Variants in TCF7L1 observed in about 807,000 individuals in gnomAD.
TCF7L1 encodes the protein transcription factor 7-like 1.
A neutral mutation model predicts 63.7 loss-of-function variants in TCF7L1; 18 were observed. The ratio of observed to expected loss-of-function variants is 0.28; its 90% CI spans 0.20 to 0.42. TCF7L1 has a LOEUF of 0.42. Ranked by LOEUF, TCF7L1 falls within the 10% of genes least tolerant of loss-of-function variation. TCF7L1 has a pLI of 1.00. For synonymous variants in TCF7L1, 355 were observed against 340.9 expected (o/e 1.04, Z -0.46); for missense variants, 654 against 779.3 (o/e 0.84, Z 1.91).
intron 3 of TCF7L1, among the ~76,000 whole-genome samples, chr2:85,248,808 C>T (rs1476091715): frequency 6.6e-6 from 1 of 152,194 alleles, no homozygotes; most frequent in Non-Finnish European, 1.5e-5. Context: ...CCAGAATAAA[C>T]CCACCCAGGT....
At position 85,306,789 on chromosome 2, in the gene TCF7L1, C is replaced by T. The variant is rs965153064; in HGVS notation, c.1257+230C>T. 2.0e-5 allele frequency among the ~76,000 whole-genome samples: 3 copies of T among 152,148 alleles called. No individual in the cohort carries two copies. Among genetic ancestry groups the T allele is most frequent in the African/African-American group, 4.8e-5 (2 of 41,432 alleles). ...ACACCATTCTCCTGTCTCAGCCTCCCGAGTAGCTGGGACTACAGGCACCTG... is the reference window on the plus strand; with the variant it reads ...ACACCATTCTCCTGTCTCAGCCTCCTGAGTAGCTGGGACTACAGGCACCTG... On this transcript the variant is annotated intron_variant, in intron 10 of 11. Transcript: ENST00000282111. This position sits in a 1 kb window ranked among gnomAD's most constrained non-coding sequence, Gnocchi z 4.3.
At chr2:85,281,116 T>A (rs1270321644) in intron 3 of TCF7L1, among the ~76,000 whole-genome samples, 1 of 147,810 alleles carries the variant, frequency 6.8e-6, no homozygotes, top group East Asian at 2.1e-4. Context: ...CTCCGCCTCC[T>A]GGGTTCAAGT....
In TCF7L1 at chr2:85,133,821, G is replaced by T. The variant is rs1194980419; in HGVS notation, c.137G>T (p.Gly46Val). ...DELIPFQDEG[G>V]EEQEPSSDSA... ...CTGATCCCCTTCCAGGACGAGGGGG[G>T]CGAGGAGCAGGAGCCGAGCAGCGAT... Residue 46 changes from glycine to valine, a missense_variant, in exon 1 of 12, where the codon GGC (glycine) becomes GTC (valine). Gly to Val is a moderately radical substitution (Grantham distance 109). Around this residue, in one of 3 missense-constraint regions of TCF7L1, gnomAD observed 404 missense variants for 454.8 expected, o/e 0.89. Transcript: ENST00000282111. The surrounding 1 kb of genome is among the most constrained non-coding windows in gnomAD (Gnocchi z 4.4). The T allele has an allele frequency of 6.8e-6, 10 of 1,477,804 alleles. No individual in the cohort carries two copies. In the Admixed American group the frequency reaches 2.4e-4, roughly 35 times the overall value. 91.5% of individuals were successfully genotyped at this position (1,477,804 alleles called of 1,614,324 possible). A position where few individuals can be genotyped will look rare whatever the true frequency, so the allele number is the denominator to read the frequency against.
intron 3 of TCF7L1, among the ~76,000 whole-genome samples, chr2:85,226,881 ACCTTCAAGGCAT>A (rs887090265): frequency 1.4e-5 from 2 of 147,872 alleles, no homozygotes; most frequent in Admixed American, 1.4e-4. Flanking sequence ...GTGCTTGCAA[ACCTTCAAGGCAT>A]CCTCATTGAT....
At chr2:85,159,917 TC>T (rs1026493253) in intron 3 of TCF7L1, among the ~76,000 whole-genome samples, 1 of 152,108 alleles carries the variant, frequency 6.6e-6, no homozygotes, top group African/African-American at 2.4e-5. Context: ...CCCCCTCCTG[TC>T]CCCAGGCTCC....
At chr2:85,266,433 G>A (rs906634675) in intron 3 of TCF7L1, among the ~76,000 whole-genome samples, 1 of 152,254 alleles carries the variant, frequency 6.6e-6, no homozygotes, top group Admixed American at 6.5e-5. Context: ...ACTCATTACT[G>A]AGTTCATAAC....
Position 85,184,761 on chromosome 2 carries a change from G to A in TCF7L1, c.441+50311G>A, listed in dbSNP as rs114367793. 6.3e-3 allele frequency among the ~76,000 whole-genome samples: 953 copies of A among 152,284 alleles called. 11 individuals carry two copies. Among genetic ancestry groups the A allele is most frequent in the African/African-American group, 0.022 (914 of 41,546 alleles). On this transcript the variant is annotated intron_variant, in intron 3 of 11. Transcript: ENST00000282111. ...GCCCTGCTGATGTTCCCTGCCCTTG[G>A]TATAGGGGCGGGACAAGGCTAGGGA...
chr2:85,239,283 C>A (rs1680267840), intron 3 of TCF7L1, among the ~76,000 whole-genome samples: 3 of 152,124 alleles, frequency 2.0e-5, no homozygotes, highest in Admixed American at 2.0e-4. Context: ...CCCTGTGGTC[C>A]TTTGCCCTGC....
rs570370421 is a variant in TCF7L1, at chr2:85,229,117, C to T, written c.442-54378C>T. On this transcript the variant is annotated intron_variant, in intron 3 of 11. Transcript: ENST00000282111. ...ATCCCAGCACTTTGGGAGGCTGAGGCGTGCGGATCACAAGGTCAAGAGATT... is the reference window on the plus strand; with the variant it reads ...ATCCCAGCACTTTGGGAGGCTGAGGTGTGCGGATCACAAGGTCAAGAGATT... Among the ~76,000 whole-genome samples the T allele has an allele frequency of 2.0e-3, 301 of 151,802 alleles. 3 individuals carry two copies. Among genetic ancestry groups the T allele is most frequent in the African/African-American group, 6.5e-3 (270 of 41,354 alleles).
chr2:85,139,011 C>A (rs1484282168), intron 3 of TCF7L1, among the ~76,000 whole-genome samples: 1 of 145,520 alleles, frequency 6.9e-6, no homozygotes, highest in African/African-American at 2.5e-5. Context: ...TTTTTTTTTT[C>A]TTTTCTTTCT....
chr2:85,195,808 A>C (rs1679142406), intron 3 of TCF7L1, among the ~76,000 whole-genome samples: 1 of 152,034 alleles, frequency 6.6e-6, no homozygotes, highest in Admixed American at 6.6e-5. Context: ...CGGCCTCCCA[A>C]AGTGCTGGGA....
At chr2:85,140,481 C>CT (rs2104185313) in intron 3 of TCF7L1, among the ~76,000 whole-genome samples, 1 of 19,704 alleles carries the variant, frequency 5.1e-5, no homozygotes, top group Admixed American at 3.1e-4. Flanking sequence ...CCTTTCTTTT[C>CT]CTCCATGGTG....
intron 3 of TCF7L1, among the ~76,000 whole-genome samples, chr2:85,276,280 A>G (rs752717000): frequency 3.3e-5 from 5 of 152,244 alleles, no homozygotes; most frequent in Admixed American, 1.3e-4. Context: ...TACAGAAGAT[A>G]GAAACAGGTC....
At chr2:85,204,615 A>C (rs1450735371) in intron 3 of TCF7L1, among the ~76,000 whole-genome samples, 2 of 142,604 alleles carry the variant, frequency 1.4e-5, no homozygotes, top group African/African-American at 2.5e-5. Context: ...TCCTGGGCTT[A>C]AGCAAACCTC....
chr2:85,239,932 C>T (rs936835743), intron 3 of TCF7L1, among the ~76,000 whole-genome samples: 2 of 120,514 alleles, frequency 1.7e-5, no homozygotes, highest in Admixed American at 1.0e-4. Flanking sequence ...GGCAACAGAG[C>T]GAGACTCCAT....
Position 85,134,507 on chromosome 2 carries a change from C to T in TCF7L1, c.441+57C>T, listed in dbSNP as rs996181584. 54 of 1,535,926 alleles carry T rather than the reference C, an allele frequency of 3.5e-5. No individual in the cohort carries two copies. The highest frequency in any genetic ancestry group is 8.1e-5 in the Admixed American group (4 of 49,278). On this transcript the variant is annotated intron_variant, in intron 3 of 11. Coordinates refer to ENST00000282111, the MANE Select transcript of TCF7L1 (RefSeq NM_031283.3). This position sits in a 1 kb window ranked among gnomAD's most constrained non-coding sequence, Gnocchi z 5.0. ...GGGAGGCCGCGGCCCGCAGGATGCG[C>T]CCCCGGGCTTGGCCATGGAGTGGGG...
At chr2:85,167,673 G>A (rs1013236730) in intron 3 of TCF7L1, among the ~76,000 whole-genome samples, 1 of 152,128 alleles carries the variant, frequency 6.6e-6, no homozygotes, top group African/African-American at 2.4e-5. Flanking sequence ...AGACCAGCCT[G>A]GCCAACACAG....
At chr2:85,247,302 CAGA>C (rs1680489218) in intron 3 of TCF7L1, among the ~76,000 whole-genome samples, 1 of 152,220 alleles carries the variant, frequency 6.6e-6, no homozygotes, top group African/African-American at 2.4e-5. Context: ...CATCCTATTT[CAGA>C]AGGTTTATCT....
chr2:85,293,941 C>A (rs2104379899), intron 4 of TCF7L1, among the ~76,000 whole-genome samples: 1 of 149,950 alleles, frequency 6.7e-6, no homozygotes, highest in East Asian at 2.0e-4. Flanking sequence ...GCATCGGAGT[C>A]ATCTGGGGAA....
Sources: gnomAD v4.1 joint callset for allele counts (sites outside exome capture counted in the v4.1 genomes callset) on GRCh38, gnomAD v4.1.1 for gene constraint, gnomAD v4.1.1 regional missense constraint, Gnocchi (gnomAD v3.1) non-coding constraint, MANE v1.5 for transcripts, NCBI Gene and HGNC (gene_info 2026-07-23, HGNC 2026-07-21) for gene names.